The following DCAKD variants were observed in gnomAD, a reference collection of about 807,000 sequenced individuals.
DCAKD encodes dephospho-CoA kinase domain-containing protein.
A neutral mutation model predicts 18.7 loss-of-function variants in DCAKD; 15 were observed. The observed-to-expected ratio is 0.80, with a 90% CI of 0.54 to 1.24. The LOEUF (loss-of-function observed/expected upper bound fraction) is 1.24. Ranked by LOEUF, DCAKD falls within the 50% of genes most tolerant of loss-of-function variation. The pLI, the probability that DCAKD is intolerant of heterozygous loss-of-function variation, is 0.00. For missense variants in DCAKD, 301 were observed against 322.0 expected (o/e 0.93, Z 0.50); for synonymous variants, 130 against 133.0 (o/e 0.98, Z 0.16).
At chr17:45,052,391 TATC>T (rs78139659), upstream of DCAKD, among the ~76,000 whole-genome samples, 25,823 of 152,000 alleles carry the variant, frequency 0.17, 2,444 homozygotes, top group Admixed American at 0.23. Flanking sequence ...GGGTGGATAC[TATC>T]ATCATCCCCA....
chr17:45,045,356 A>T (rs1381707352), intron 1 of DCAKD, among the ~76,000 whole-genome samples: 1 of 152,144 alleles, frequency 6.6e-6, no homozygotes. Flanking sequence ...TTGTGTTGAT[A>T]TCTTGCAATC....
intron 3 of DCAKD, 78 bp from the exon 4 acceptor site, chr17:45,030,257 G>A (rs1390954351): frequency 2.4e-5 from 32 of 1,356,348 alleles, no homozygotes; most frequent in East Asian, 1.2e-4. Context: ...GGGCCCCACC[G>A]TCCAGAGCGC....
At chr17:45,031,337 A>G (rs7216522) in intron 3 of DCAKD, 401,483 of 984,982 alleles carry the variant, frequency 0.41, 82,716 homozygotes, top group African/African-American at 0.45. Context: ...TTAAAACCAT[A>G]GGCTCTGATG....
rs79843681 is a variant in DCAKD, at chr17:45,026,826, G to A, written c.405-2102C>T. 6.4e-5 allele frequency: 63 copies of A among 985,438 alleles called. 1 individual carries two copies. In the East Asian group the frequency reaches 7.0e-3, roughly 110 times the overall value. 61.0% of individuals were successfully genotyped at this position (985,438 alleles called of 1,614,324 possible). On this transcript the variant is annotated intron_variant, in intron 4 of 4. Transcript: ENST00000651974. The stretch of plus-strand genomic sequence containing the variant: ...TCAGGGAGACCACATATCTGTGGGT[G>A]GGAGAATCTAGTGTGAGATTAGAGA...
chr17:45,060,076 C>A (rs2053832140), intron 1 of DCAKD, among the ~76,000 whole-genome samples: 1 of 152,152 alleles, frequency 6.6e-6, no homozygotes, highest in Non-Finnish European at 1.5e-5. Context: ...TGCACTCCAG[C>A]CTGGGAGTCA....
In DCAKD at chr17:45,030,312, C is replaced by G. The variant is rs2053149692; in HGVS notation, c.317-133G>C. The G allele has an allele frequency of 4.0e-6, 3 of 741,952 alleles. No individual in the cohort carries two copies. The East Asian group carries it at 7.7e-5, about 19-fold the overall frequency. 46.0% of individuals were successfully genotyped at this position (741,952 alleles called of 1,614,324 possible). ...TCCAAGGACACACATACCCTGCACA[C>G]TGGCCGGTTCCAATGCCGTGCAGAA... On this transcript the variant is annotated intron_variant, in intron 3 of 4. Transcript: ENST00000651974.
chr17:45,040,175 G>A (rs1283814696), intron 1 of DCAKD, among the ~76,000 whole-genome samples: 1 of 151,576 alleles, frequency 6.6e-6, no homozygotes, highest in Non-Finnish European at 1.5e-5. Flanking sequence ...ATCACCTGAG[G>A]TCAGGAGTTC....
chr17:45,039,599 GTCT>G (rs967093942), intron 1 of DCAKD, among the ~76,000 whole-genome samples: 20 of 152,222 alleles, frequency 1.3e-4, no homozygotes, highest in Admixed American at 1.3e-4. Flanking sequence ...ACTGCAGGAA[GTCT>G]TCTCTCCAGC....
At chr17:45,046,788 C>T (rs548234445) in intron 1 of DCAKD, among the ~76,000 whole-genome samples, 5 of 152,150 alleles carry the variant, frequency 3.3e-5, no homozygotes, top group African/African-American at 1.2e-4. Flanking sequence ...GCTCTCCTAC[C>T]CAGCTCCTCC....
At position 45,024,384 on chromosome 17, in the gene DCAKD, C is replaced by T. The variant is rs1465702965; in HGVS notation, c.*49G>A. On this transcript the variant is annotated 3_prime_UTR_variant, in exon 5 of 5. Coordinates refer to ENST00000651974, the MANE Select transcript of DCAKD (RefSeq NM_001288655.2). ...ACAGGATGTGTTACCTGGCTTCAGC[C>T]TCCAAGGAGATAGATGGAGGCCTGG... 3.2e-6 allele frequency: 5 copies of T among 1,554,336 alleles called. No individual in the cohort carries two copies. The highest frequency in any genetic ancestry group is 4.4e-6 in the Non-Finnish European group (5 of 1,146,164).
Position 45,034,249 on chromosome 17 carries a change from G to A in DCAKD, c.254C>T (p.Ala85Val). The A allele has an allele frequency of 6.2e-7, 1 of 1,614,064 alleles. No individual in the cohort carries two copies. Among genetic ancestry groups the A allele is most frequent in the Non-Finnish European group, 8.5e-7 (1 of 1,179,982 alleles). Residue 85 changes from alanine (A) to valine (V), a missense_variant, in exon 3 of 5, where the codon GCC becomes GTC. Transcript: ENST00000651974. ...NQPDRRQLLN[A>V]ITHPEIRKEM... Reference sequence around the variant, plus strand: ...CTTGCGAATCTCGGGGTGGGTGATGGCGTTGAGCAGCTGCCGCCGGTCAGG... The same window carrying A: ...CTTGCGAATCTCGGGGTGGGTGATGACGTTGAGCAGCTGCCGCCGGTCAGG...
At chr17:45,059,317 G>C (rs2053823342) in intron 1 of DCAKD, among the ~76,000 whole-genome samples, 1 of 152,040 alleles carries the variant, frequency 6.6e-6, no homozygotes, top group Non-Finnish European at 1.5e-5. Context: ...CTTTCCCTGA[G>C]TCAGATGGGA....
At chr17:45,056,480 T>G (rs112106588), upstream of DCAKD, among the ~76,000 whole-genome samples, 1 of 147,052 alleles carries the variant, frequency 6.8e-6, no homozygotes, top group African/African-American at 2.5e-5. Context: ...TTATATATAT[T>G]TTTTTTTTCC....
rs548103710 is a variant in DCAKD, at chr17:45,027,928, G to A, written c.404+2164C>T. 3.3e-5 allele frequency among the ~76,000 whole-genome samples: 5 copies of A among 150,846 alleles called. No homozygotes were observed. The East Asian group carries it at 1.0e-3, about 30-fold the overall frequency. ...TTGAACCTGGGAGGCAGAGGTTGCA[G>A]TGAGCTGAGATCGCGCCACTGTACT... On this transcript the variant is annotated intron_variant, in intron 4 of 4. Coordinates refer to ENST00000651974, the MANE Select transcript of DCAKD (RefSeq NM_001288655.2).
At chr17:45,047,316 C>G (rs2143353464) in intron 1 of DCAKD, among the ~76,000 whole-genome samples, 1 of 152,054 alleles carries the variant, frequency 6.6e-6, no homozygotes, top group South Asian at 2.1e-4. Flanking sequence ...GAGTCTTACT[C>G]CATTGTCTAG....
At chr17:45,027,059 T>C (rs896527163) in intron 4 of DCAKD, among the ~76,000 whole-genome samples, 37 of 152,192 alleles carry the variant, frequency 2.4e-4, no homozygotes, top group African/African-American at 8.4e-4. Flanking sequence ...AAACATGAAA[T>C]TGGCTGGGCA....
chr17:45,056,807 A>G lies in DCAKD; in HGVS notation c.-118+4081T>C, dbSNP rs568500989. The stretch of plus-strand genomic sequence containing the variant: ...CTTTGAGACAGAGCCTCGCTCTGTC[A>G]CCCAGGCTGGAGTGCGGTGGCGTGA... On this transcript the variant is annotated intron_variant, in intron 1 of 4. Coordinates refer to the DCAKD transcript ENST00000310604. Among the ~76,000 whole-genome samples, 253 of 149,542 alleles carry G rather than the reference A, an allele frequency of 1.7e-3. 1 individual carries two copies. The highest frequency in any genetic ancestry group is 5.9e-3 in the African/African-American group (239 of 40,342).
rs777489214 is a variant in DCAKD, at chr17:45,034,267, C to T, written c.236G>A (p.Arg79Gln). The T allele has an allele frequency of 1.9e-5, 30 of 1,614,072 alleles. No homozygotes were observed. Among genetic ancestry groups the T allele is most frequent in the South Asian group, 5.5e-5 (5 of 91,094 alleles). Residue 79 changes from arginine to glutamine, a missense_variant, in exon 3 of 5, where the codon CGG (arginine) becomes CAG (glutamine). Physicochemically the swap from Arg to Gln is conservative, Grantham distance 43 (BLOSUM62 1). Coordinates refer to ENST00000651974, the MANE Select transcript of DCAKD (RefSeq NM_001288655.2). ...GGTGATGGCGTTGAGCAGCTGCCGC[C>T]GGTCAGGCTGGTTAAAGATCAGGTC... ...LGDLIFNQPD[R>Q]RQLLNAITHP... is the part of the protein sequence containing the mutation.
rs1034239638 is a variant in DCAKD, at chr17:45,038,351, C to T, written c.-114-3352G>A. On this transcript the variant is annotated intron_variant, in intron 1 of 4. Coordinates refer to ENST00000651974, the MANE Select transcript of DCAKD (RefSeq NM_001288655.2). ...CCCAGGCAGTTCTGATGTGTAACAG[C>T]GCTCAGGATAAATTCTAACTCTTCT... Among the ~76,000 whole-genome samples the T allele has an allele frequency of 3.9e-5, 6 of 152,060 alleles. No homozygotes were observed. In the East Asian group the frequency reaches 9.6e-4, roughly 24 times the overall value.
Sources: gnomAD v4.1 joint callset for allele counts (sites outside exome capture counted in the v4.1 genomes callset) on GRCh38, gnomAD v4.1.1 for gene constraint, MANE v1.5 for transcripts, NCBI Gene and HGNC (gene_info 2026-07-23, HGNC 2026-07-21) for gene names.